Variants in COL6A5 observed in about 807,000 individuals in gnomAD.
COL6A5 encodes collagen alpha-5(VI) chain.
COL6A5 carries 48 observed loss-of-function variants against 65.6 expected under a neutral mutation model. That is an observed-to-expected ratio of 0.73 (90% CI 0.58 to 0.93). COL6A5 has a LOEUF of 0.93. Among genes scored for constraint, COL6A5 ranks in the 40% least tolerant of loss-of-function variants. The pLI is 0.00. For missense variants in COL6A5, 914 were observed against 928.3 expected, an observed-to-expected ratio of 0.98 and a Z score of 0.20; for synonymous variants, 291 against 322.8, an observed-to-expected ratio of 0.90 and a Z score of 1.05.
Position 130,391,718 on chromosome 3 carries a change from C to A in COL6A5, c.2956C>A (p.Leu986Ile), listed in dbSNP as rs778770155. 6.4e-6 allele frequency: 10 copies of A among 1,551,276 alleles called. No homozygotes were observed. Among genetic ancestry groups the A allele is most frequent in the Non-Finnish European group, 8.7e-6 (10 of 1,146,772 alleles). The stretch of plus-strand genomic sequence containing the variant: ...TGACAAACTGAAAGATGTTTTCACA[C>A]TTGTTCAAGAACGTATGTGTACTGA... Residue 986 changes from leucine to isoleucine, a missense_variant and NMD_transcript_variant, in exon 7 of 42, where the codon CTT becomes ATT. Leu to Ile is a conservative substitution (Grantham distance 5). Coordinates refer to the COL6A5 transcript ENST00000312481.
At chr3:130,355,078 C>T (rs1178579826) in intron 1 of COL6A5, among the ~76,000 whole-genome samples, 1 of 151,382 alleles carries the variant, frequency 6.6e-6, no homozygotes, top group Non-Finnish European at 1.5e-5. Context: ...TAATGTGCTA[C>T]CAAAAAAATT....
At chr3:130,469,105 A>T (rs1394907816) in exon 6 of COL6A5, 3 of 1,612,966 alleles carry the variant, frequency 1.9e-6, no homozygotes, top group Non-Finnish European at 2.5e-6. Flanking sequence ...ATAACAGTAT[A>T]CACCAAATGA....
intron 3 of COL6A5, among the ~76,000 whole-genome samples, chr3:130,443,045 A>G (rs951862139): frequency 6.6e-6 from 1 of 152,206 alleles, no homozygotes; most frequent in African/African-American, 2.4e-5. Context: ...CATAGGAATC[A>G]GTATTAGTGG....
At chr3:130,399,413 C>T (rs1481604497) in intron 10 of COL6A5, among the ~76,000 whole-genome samples, 1 of 151,392 alleles carries the variant, frequency 6.6e-6, no homozygotes, top group African/African-American at 2.4e-5. Context: ...CTCTGTCACC[C>T]AGGCTGGAGC....
chr3:130,351,575 A>G (rs746785339), intron 1 of COL6A5, among the ~76,000 whole-genome samples: 3 of 152,262 alleles, frequency 2.0e-5, no homozygotes, highest in Non-Finnish European at 4.4e-5. Context: ...ATCACTGGAC[A>G]TCAGATAAAT....
intron 1 of COL6A5, among the ~76,000 whole-genome samples, chr3:130,357,755 G>A (rs1030324349): frequency 3.3e-5 from 5 of 151,984 alleles, no homozygotes; most frequent in African/African-American, 7.3e-5. Flanking sequence ...AAAGGTATTC[G>A]GCAAGGTAAA....
At chr3:130,371,099 C>T (rs1190871264) in intron 1 of COL6A5, among the ~76,000 whole-genome samples, 2 of 152,172 alleles carry the variant, frequency 1.3e-5, no homozygotes, top group Non-Finnish European at 2.9e-5. Flanking sequence ...ACAGAAAGGC[C>T]TCCTCTTTAT....
chr3:130,446,389 G>T (rs1275442798), intron 4 of COL6A5, among the ~76,000 whole-genome samples: 1 of 152,120 alleles, frequency 6.6e-6, no homozygotes, highest in African/African-American at 2.4e-5. Context: ...ATAAGGAGGA[G>T]AATCATTAAA....
chr3:130,379,787 C>A lies in COL6A5; in HGVS notation c.1037C>A (p.Thr346Asn), dbSNP rs1206324130. 3.2e-6 allele frequency: 5 copies of A among 1,551,398 alleles called. No homozygotes were observed. In the East Asian group the frequency reaches 1.2e-4, roughly 38 times the overall value. ...GTGCCTCAGATTGCAGTTCTGGTCA[C>A]CCACAGACCATCAGATGATGAGGTG... Residue 346 changes from threonine (T) to asparagine (N), a missense_variant and NMD_transcript_variant, in exon 4 of 42, where the codon ACC (threonine) becomes AAC (asparagine). Physicochemically the swap from Thr to Asn is moderately conservative, Grantham distance 65. Transcript: ENST00000312481.
upstream of COL6A5, chr3:130,431,450 T>G: frequency 1.3e-6 from 2 of 1,547,754 alleles, no homozygotes; most frequent in Non-Finnish European, 1.7e-6. Context: ...ATACTTCTGC[T>G]TTTCTTTTTT....
chr3:130,440,668 C>T, exon 3 of COL6A5: 2 of 1,613,228 alleles, frequency 1.2e-6, no homozygotes, highest in Non-Finnish European at 1.7e-6. Flanking sequence ...AAGGCTACGT[C>T]ATATTTGTGA....
exon 29 of COL6A5, chr3:130,423,843 T>A: frequency 6.5e-7 from 1 of 1,549,388 alleles, no homozygotes; most frequent in Non-Finnish European, 8.7e-7. Flanking sequence ...TGCAGCTCAC[T>A]GTAGGCTTGA....
intron 6 of COL6A5, 48 bp from the exon 7 acceptor site, chr3:130,391,131 A>G (rs770368402): frequency 7.4e-7 from 1 of 1,344,880 alleles, no homozygotes; most frequent in Non-Finnish European, 1.0e-6. Flanking sequence ...CACCCTGCGT[A>G]GAATGCACTG....
intron 4 of COL6A5, among the ~76,000 whole-genome samples, chr3:130,449,307 C>T (rs1371632567): frequency 2.6e-5 from 4 of 152,188 alleles, no homozygotes; most frequent in Non-Finnish European, 4.4e-5. Flanking sequence ...GGACTGAGAC[C>T]GAGTCCAGGA....
intron 1 of COL6A5, among the ~76,000 whole-genome samples, chr3:130,437,547 C>T (rs562823844): frequency 4.2e-4 from 64 of 152,212 alleles, no homozygotes; most frequent in African/African-American, 1.3e-3. Context: ...TGCAATTTAT[C>T]ATTTCTCTCA....
At position 130,379,543 on chromosome 3, in the gene COL6A5, A is replaced by G. The variant is rs370536035; in HGVS notation, c.793A>G (p.Met265Val). The change falls in exon 4 of 42, where the codon ATG becomes GTG. Residue 265 changes from methionine to valine, a missense_variant and NMD_transcript_variant. By Grantham distance (21) the Met-to-Val change is conservative. Transcript: ENST00000312481. ...CTTCCTTGAGAACATTACCAGCTCC[A>G]TGGATGTGAAGGAAAATTGCATGCG... The G allele has an allele frequency of 1.1e-4, 170 of 1,551,436 alleles. 2 individuals are homozygous for G. In the South Asian group the frequency reaches 1.6e-3, roughly 14 times the overall value.
chr3:130,361,737 T>C (rs1034961225), intron 1 of COL6A5, among the ~76,000 whole-genome samples: 2 of 152,076 alleles, frequency 1.3e-5, no homozygotes, highest in African/African-American at 2.4e-5. Flanking sequence ...CTTGCCAGCA[T>C]TTGGTGTTGT....
intron 1 of COL6A5, among the ~76,000 whole-genome samples, chr3:130,359,308 CT>C (rs1181597625): frequency 6.6e-6 from 1 of 152,078 alleles, no homozygotes; most frequent in Admixed American, 6.5e-5. Flanking sequence ...GGTTTAACAA[CT>C]TGCTACCTAA....
In COL6A5 at chr3:130,406,114, C is replaced by A. The variant is rs1344117281; in HGVS notation, c.4381-17C>A. ...AGACCTGCTTTTACCTGATGCCTGT[C>A]TATTGTCATCTCTCAGGGAGGTCAT... On this transcript the variant is annotated splice_polypyrimidine_tract_variant and intron_variant and NMD_transcript_variant, in intron 15 of 41. Coordinates refer to the COL6A5 transcript ENST00000312481. 5.8e-6 allele frequency: 9 copies of A among 1,548,920 alleles called. No individual in the cohort carries two copies. Among genetic ancestry groups the A allele is most frequent in the Middle Eastern group, 3.3e-4 (2 of 6,008 alleles).
Sources: allele counts gnomAD v4.1 joint callset (sites outside exome capture counted in the v4.1 genomes callset), GRCh38; gene constraint gnomAD v4.1.1; transcripts MANE v1.5; gene names NCBI Gene and HGNC (gene_info 2026-07-23, HGNC 2026-07-21).